The following L3MBTL1 variants were observed in gnomAD, a reference collection of about 807,000 sequenced individuals.
The protein encoded by L3MBTL1 is L3MBTL histone methyl-lysine binding protein 1, also known as lethal(3)malignant brain tumor-like protein 1.
L3MBTL1 carries 75 observed loss-of-function variants against 105.3 expected under a neutral mutation model. That is an observed-to-expected ratio of 0.71 (90% CI 0.59 to 0.86). The LOEUF is 0.86. Among genes scored for constraint, L3MBTL1 ranks in the 40% least tolerant of loss-of-function variants. The pLI, the probability that L3MBTL1 is intolerant of heterozygous loss-of-function variation, is 0.00. For missense variants in L3MBTL1, 1,069 were observed against 1,126.4 expected (o/e 0.95, Z 0.73); for synonymous variants, 452 against 436.2 (o/e 1.04, Z -0.45).
In L3MBTL1 at chr20:43,536,456, A is replaced by G. The variant is rs1394545366; in HGVS notation, c.2171A>G (p.Gln724Arg). The change falls in exon 19 of 22, where the codon CAG becomes CGG. Residue 724 changes from glutamine to arginine, a missense_variant and splice_region_variant. Physicochemically the swap from Gln to Arg is conservative, Grantham distance 43 (BLOSUM62 1). Transcript: ENST00000418998. ...CGAAAGATTCCGCAGGAAGATTTCC[A>G]GAGTAAGTCTGGGTTATCTGCTCCT... ...KYRKIPQEDF[Q>R]TLTPDVVHQS... 1 of 1,613,964 alleles carries G rather than the reference A, an allele frequency of 6.2e-7. No homozygotes were observed.
At chr20:43,514,275 A>T in intron 3 of L3MBTL1, 1 of 778,124 alleles carries the variant, frequency 1.3e-6, no homozygotes, top group Non-Finnish European at 2.0e-6. Context: ...GGAGTGAGGC[A>T]CTCTGGGACT....
At chr20:43,527,774 C>T (rs937430718) in intron 7 of L3MBTL1, among the ~76,000 whole-genome samples, 23 of 151,392 alleles carry the variant, frequency 1.5e-4, no homozygotes, top group African/African-American at 2.2e-4. Context: ...GACTGGAGTG[C>T]AGTGGCATGT....
At chr20:43,511,016 T>C (rs1474486352) in intron 1 of L3MBTL1, among the ~76,000 whole-genome samples, 2 of 152,110 alleles carry the variant, frequency 1.3e-5, no homozygotes, top group South Asian at 2.1e-4. Context: ...AGCCACTGCA[T>C]TGGGCCCATA....
At chr20:43,549,361 T>C (rs1402766151) in exon 19 of L3MBTL1, 1 of 152,264 alleles carries the variant, frequency 6.6e-6, no homozygotes, top group Admixed American at 6.5e-5. Flanking sequence ...CCATTAGCTC[T>C]TGCAGCGTCT....
Position 43,513,461 on chromosome 20 carries a change from A to G in L3MBTL1, c.-28-15A>G, listed in dbSNP as rs1022377811. The G allele has an allele frequency of 9.1e-6, 14 of 1,545,252 alleles. No individual in the cohort carries two copies. Among genetic ancestry groups the G allele is most frequent in the Admixed American group, 3.9e-5 (2 of 50,854 alleles). The stretch of plus-strand genomic sequence containing the variant: ...TCCCCACCTGATCACCCTGGGGGCT[A>G]TGTTTGGCTTGTAGGCCTGCCAGGA... On this transcript the variant is annotated splice_polypyrimidine_tract_variant and intron_variant, in intron 1 of 21. Transcript: ENST00000418998.
intron 12 of L3MBTL1, 112 bp downstream of exon 12, chr20:43,533,036 T>C: frequency 9.6e-7 from 1 of 1,042,878 alleles, no homozygotes; most frequent in Non-Finnish European, 1.4e-6. Context: ...GACATTCAGA[T>C]CTTCCTCCGG....
chr20:43,527,326 G>GT (rs1343998884), intron 7 of L3MBTL1, among the ~76,000 whole-genome samples: 1 of 152,238 alleles, frequency 6.6e-6, no homozygotes, highest in African/African-American at 2.4e-5. Context: ...TACGTCTTTA[G>GT]TTGTCTGTAG....
At chr20:43,541,910 T>C (rs1464723581), downstream of L3MBTL1, 3 of 985,306 alleles carry the variant, frequency 3.0e-6, no homozygotes, top group African/African-American at 5.2e-5. Context: ...ATAGTTGTCC[T>C]TAAGTAAAGA....
At chr20:43,531,076 A>T in intron 11 of L3MBTL1, 187 bp downstream of exon 11, 1 of 589,498 alleles carries the variant, frequency 1.7e-6, no homozygotes. Context: ...GAAGCTGGTT[A>T]TAGGTTTTTC....
In L3MBTL1 at chr20:43,530,368, C is replaced by T; in HGVS notation, c.1141C>T (p.His381Tyr). The T allele has an allele frequency of 1.2e-6, 2 of 1,614,206 alleles. No individual in the cohort carries two copies. The highest frequency in any genetic ancestry group is 8.5e-7 in the Non-Finnish European group (1 of 1,180,030). ...FWVNANSPDI[H>Y]PAGWFEKTGH... ...GGTCAATGCCAACTCCCCTGACATT[C>T]ACCCTGCTGGCTGGTTCGAGAAGAC... The change falls in exon 10 of 22, where the codon CAC (histidine) becomes TAC (tyrosine). Residue 381 changes from histidine (H) to tyrosine (Y), a missense_variant. Coordinates refer to ENST00000418998, the MANE Select transcript of L3MBTL1 (RefSeq NM_001377303.1).
chr20:43,519,119 T>A (rs1056187823), intron 7 of L3MBTL1, among the ~76,000 whole-genome samples: 3 of 150,178 alleles, frequency 2.0e-5, no homozygotes, highest in African/African-American at 7.4e-5. Flanking sequence ...GATGGATCAC[T>A]TGAGCTCAGG....
At chr20:43,522,288 G>A (rs183055076) in intron 7 of L3MBTL1, among the ~76,000 whole-genome samples, 12 of 152,112 alleles carry the variant, frequency 7.9e-5, no homozygotes, top group African/African-American at 1.4e-4. Context: ...CCGTGAACCG[G>A]AGGTTGCAGT....
chr20:43,537,613 C>G (rs375355557), intron 19 of L3MBTL1, among the ~76,000 whole-genome samples: 1 of 152,150 alleles, frequency 6.6e-6, no homozygotes, highest in East Asian at 1.9e-4. Flanking sequence ...CATACTTCAG[C>G]GGGAGGGGCA....
At chr20:43,544,128 G>A (rs747467822), downstream of L3MBTL1, among the ~76,000 whole-genome samples, 8 of 152,196 alleles carry the variant, frequency 5.3e-5, no homozygotes, top group Non-Finnish European at 1.0e-4. Context: ...TAACTGTGCA[G>A]CCAGATGTTT....
intron 9 of L3MBTL1, 148 bp from the exon 10 acceptor site, chr20:43,530,136 G>A: frequency 1.1e-6 from 1 of 907,484 alleles, no homozygotes; most frequent in Non-Finnish European, 1.7e-6. Flanking sequence ...ACAGGGTGGG[G>A]TACAATTGGG....
chr20:43,528,469 A>C (rs907706643), intron 7 of L3MBTL1, among the ~76,000 whole-genome samples, 188 bp from the exon 8 acceptor site: 1 of 152,200 alleles, frequency 6.6e-6, no homozygotes, highest in African/African-American at 2.4e-5. Context: ...TGGTGTAGCC[A>C]CACCTGAGAC....
chr20:43,508,744 C>G (rs868072742), intron 1 of L3MBTL1, among the ~76,000 whole-genome samples: 1 of 152,184 alleles, frequency 6.6e-6, no homozygotes, highest in Non-Finnish European at 1.5e-5. Context: ...AGTGCTCTTG[C>G]GAATATCACC....
rs755168151 is a variant in L3MBTL1, at chr20:43,514,629, CTCCAGT to C, written c.361-2_364del. On this transcript the variant is annotated splice_acceptor_variant and splice_polypyrimidine_tract_variant and coding_sequence_variant and intron_variant, in exon 4 of 22. Transcript: ENST00000418998. LOFTEE classifies it high-confidence loss of function. ...GTCGCAATCCTCAGACCCTCCCGCG[CTCCAGT>C]TCCGGATAAGCGAGTATAAGCCGCT... The C allele has an allele frequency of 1.0e-4, 162 of 1,598,498 alleles. No homozygotes were observed. Among genetic ancestry groups the C allele is most frequent in the Non-Finnish European group, 1.3e-4 (156 of 1,172,430 alleles).
intron 1 of L3MBTL1, among the ~76,000 whole-genome samples, chr20:43,510,402 C>CTT (rs2018099358): frequency 1.1e-5 from 1 of 91,366 alleles, no homozygotes; most frequent in Non-Finnish European, 2.1e-5. Context: ...TTCTTTCTTT[C>CTT]TTTCTTTTTT....
Sources: gnomAD v4.1 joint callset for allele counts (sites outside exome capture counted in the v4.1 genomes callset) on GRCh38, gnomAD v4.1.1 for gene constraint, MANE v1.5 for transcripts, NCBI Gene and HGNC (gene_info 2026-07-23, HGNC 2026-07-21) for gene names.